IQCH: variants seen among roughly 807,000 people sequenced by gnomAD.
IQCH encodes IQ motif containing H.
A neutral mutation model predicts 117.0 loss-of-function variants in IQCH; 98 were observed. That is an observed-to-expected ratio of 0.84 (90% CI 0.71 to 0.99). IQCH has a LOEUF of 0.99. IQCH is among the 50% of genes least tolerant of loss of function. The probability of loss-of-function intolerance (pLI) is 0.00; values close to 1 mark genes in which losing one functional copy is unlikely to be tolerated. For missense variants in IQCH, 1,102 were observed against 1,243.8 expected (o/e 0.89, Z 1.72); for synonymous variants, 412 against 448.2 (o/e 0.92, Z 1.02).
At chr15:67,423,186 G>A (rs1481598808) in intron 16 of IQCH, among the ~76,000 whole-genome samples, 8 of 152,216 alleles carry the variant, frequency 5.3e-5, no homozygotes, top group Non-Finnish European at 1.2e-4. Flanking sequence ...AGGCAGGACA[G>A]AAACAATGCT....
intron 4 of IQCH, among the ~76,000 whole-genome samples, chr15:67,321,406 A>G (rs559708000): frequency 1.3e-5 from 2 of 151,744 alleles, no homozygotes; most frequent in Non-Finnish European, 2.9e-5. Context: ...TTATGATCCC[A>G]TGTATGCCTT....
At chr15:67,444,218 T>A (rs1197413348) in intron 16 of IQCH, among the ~76,000 whole-genome samples, 1 of 152,222 alleles carries the variant, frequency 6.6e-6, no homozygotes, top group Non-Finnish European at 1.5e-5. Context: ...ATCCTTGTGC[T>A]CAGCACATAA....
rs527835244 is a variant in IQCH at position 67,417,728 on chromosome 15, A to G, written c.2218+677A>G. On this transcript the variant is annotated intron_variant, in intron 15 of 20. Coordinates refer to ENST00000335894, the MANE Select transcript of IQCH (RefSeq NM_001031715.3). This position sits in a 1 kb window ranked among gnomAD's most constrained non-coding sequence, Gnocchi z 4.3. ...CTACCGTCTCAGAGGTCCCTGTCAGATGTTACACAGAGGCACACCTATGCA... is the reference window on the plus strand; with the variant it reads ...CTACCGTCTCAGAGGTCCCTGTCAGGTGTTACACAGAGGCACACCTATGCA... Among the ~76,000 whole-genome samples the G allele has an allele frequency of 3.9e-5, 6 of 152,246 alleles. No individual in the cohort carries two copies. The South Asian group carries it at 1.2e-3, about 32-fold the overall frequency.
At chr15:67,266,623 C>A (rs1965684802) in intron 3 of IQCH, among the ~76,000 whole-genome samples, 1 of 152,178 alleles carries the variant, frequency 6.6e-6, no homozygotes, top group Non-Finnish European at 1.5e-5. Flanking sequence ...TGCCACTGCA[C>A]TCCAGCCTGG....
intron 14 of IQCH, among the ~76,000 whole-genome samples, chr15:67,410,245 G>T (rs1364330618): frequency 6.6e-6 from 1 of 152,156 alleles, no homozygotes; most frequent in East Asian, 1.9e-4. Flanking sequence ...CTTTTTAAAT[G>T]ATGAGAATGT....
Position 67,476,904 on chromosome 15 carries a change from A to G in IQCH, c.2799+1086A>G, listed in dbSNP as rs972568206. Among the ~76,000 whole-genome samples the G allele has an allele frequency of 5.3e-5, 8 of 152,116 alleles. No individual in the cohort carries two copies. Among genetic ancestry groups the G allele is most frequent in the Non-Finnish European group, 8.8e-5 (6 of 68,026 alleles). On this transcript the variant is annotated intron_variant, in intron 18 of 20. Coordinates refer to ENST00000335894, the MANE Select transcript of IQCH (RefSeq NM_001031715.3). The surrounding 1 kb of genome is among the most constrained non-coding windows in gnomAD (Gnocchi z 4.1). ...AAATATAAGGTATATATAATGACAT[A>G]AGAATTGAGTAGTAACCAGTTGATC...
chr15:67,334,231 T>C (rs1373431408), intron 4 of IQCH, among the ~76,000 whole-genome samples: 4 of 152,216 alleles, frequency 2.6e-5, no homozygotes, highest in African/African-American at 9.6e-5. Context: ...GAATAAAATA[T>C]AATAAAAAAC....
At position 67,494,247 on chromosome 15, in the gene IQCH, A is replaced by G. The variant is rs1596497952; in HGVS notation, c.2862-11A>G. 3.8e-6 allele frequency: 6 copies of G among 1,593,502 alleles called. No homozygotes were observed. The East Asian group carries it at 1.3e-4, about 36-fold the overall frequency. ...CGTTGGTAAACTCATTTGTTTGGATATCATTAACAGAACAATCGGCGAGGA... is the reference window on the plus strand; with the variant it reads ...CGTTGGTAAACTCATTTGTTTGGATGTCATTAACAGAACAATCGGCGAGGA... On this transcript the variant is annotated splice_polypyrimidine_tract_variant and intron_variant, in intron 19 of 20. Transcript: ENST00000335894. The surrounding 1 kb of genome is among the most constrained non-coding windows in gnomAD (Gnocchi z 5.5).
At position 67,476,444 on chromosome 15, in the gene IQCH, C is replaced by G. The variant is rs2083203282; in HGVS notation, c.2799+626C>G. ...CATCACACCTACAGCCTCATTTAAC[C>G]TTAATCACTTCCTTAGAGGCCCTAG... On this transcript the variant is annotated intron_variant, in intron 18 of 20. Transcript: ENST00000335894. This position sits in a 1 kb window ranked among gnomAD's most constrained non-coding sequence, Gnocchi z 4.1. Among the ~76,000 whole-genome samples, 1 of 152,188 alleles carries G rather than the reference C, an allele frequency of 6.6e-6. No homozygotes were observed. The highest frequency in any genetic ancestry group is 2.1e-4 in the South Asian group (1 of 4,824).
chr15:67,275,638 G>A (rs1186066972), intron 3 of IQCH, among the ~76,000 whole-genome samples: 2 of 152,114 alleles, frequency 1.3e-5, no homozygotes, highest in African/African-American at 4.8e-5. Context: ...AGCACTTTGG[G>A]AGGCTGAGAT....
rs2081843752 is a variant in IQCH, at chr15:67,424,721, C to G, written c.2505+3144C>G. Among the ~76,000 whole-genome samples, 1 of 152,170 alleles carries G rather than the reference C, an allele frequency of 6.6e-6. No individual in the cohort carries two copies. The highest frequency in any genetic ancestry group is 1.5e-5 in the Non-Finnish European group (1 of 68,034). ...TATTAGATTCTCTGATTTTATCATA[C>G]TATGAATTTTCCTTGTCCCTTCCCA... On this transcript the variant is annotated intron_variant, in intron 16 of 20. Coordinates refer to ENST00000335894, the MANE Select transcript of IQCH (RefSeq NM_001031715.3). The surrounding 1 kb of genome is among the most constrained non-coding windows in gnomAD (Gnocchi z 4.9).
At position 67,407,088 on chromosome 15, in the gene IQCH, T is replaced by C. The variant is rs1471281483; in HGVS notation, c.2097+6783T>C. On this transcript the variant is annotated intron_variant, in intron 14 of 20. Coordinates refer to ENST00000335894, the MANE Select transcript of IQCH (RefSeq NM_001031715.3). This position sits in a 1 kb window ranked among gnomAD's most constrained non-coding sequence, Gnocchi z 5.3. ...CCATCATTATATGGGGTTGTGGCTG[T>C]TGAAGATACAGAATGTTGGTTGATC... The C allele has an allele frequency of 2.6e-5, 4 of 152,350 alleles. No individual in the cohort carries two copies. The highest frequency in any genetic ancestry group is 2.1e-4 in the South Asian group (1 of 4,820). 9.4% of individuals were successfully genotyped at this position (152,350 alleles called of 1,614,324 possible).
intron 10 of IQCH, among the ~76,000 whole-genome samples, chr15:67,383,646 C>G (rs1003714194): frequency 1.3e-5 from 2 of 152,120 alleles, no homozygotes; most frequent in African/African-American, 4.8e-5. Flanking sequence ...TATACATATG[C>G]AAAATCCCAA....
intron 17 of IQCH, among the ~76,000 whole-genome samples, chr15:67,471,370 C>T (rs1443509716): frequency 6.6e-6 from 1 of 152,054 alleles, no homozygotes; most frequent in African/African-American, 2.4e-5. Context: ...TACAAGTCAA[C>T]CTTTTAATAG....
At chr15:67,352,305 A>G (rs1737826320) in intron 6 of IQCH, among the ~76,000 whole-genome samples, 1 of 152,018 alleles carries the variant, frequency 6.6e-6, no homozygotes, top group Admixed American at 6.5e-5. Flanking sequence ...TTTTAGTTGT[A>G]TCTTTTTAAA....
At chr15:67,277,594 C>T (rs1032542208) in intron 3 of IQCH, among the ~76,000 whole-genome samples, 3 of 147,364 alleles carry the variant, frequency 2.0e-5, no homozygotes, top group Non-Finnish European at 3.0e-5. Flanking sequence ...AGTGCAGTGG[C>T]GCAATCTCGG....
Position 67,406,045 on chromosome 15 carries a change from A to C in IQCH, c.2097+5740A>C, listed in dbSNP as rs1489208889. 1 of 152,234 alleles carries C rather than the reference A, an allele frequency of 6.6e-6. No homozygotes were observed. Among genetic ancestry groups the C allele is most frequent in the Admixed American group, 6.5e-5 (1 of 15,278 alleles). 9.4% of individuals were successfully genotyped at this position (152,234 alleles called of 1,614,324 possible). A position where few individuals can be genotyped will look rare whatever the true frequency, so the allele number is the denominator to read the frequency against. On this transcript the variant is annotated intron_variant, in intron 14 of 20. Coordinates refer to ENST00000335894, the MANE Select transcript of IQCH (RefSeq NM_001031715.3). The surrounding 1 kb of genome is among the most constrained non-coding windows in gnomAD (Gnocchi z 4.5). ...CTGCCTCATATACCTGGTTATGTGC[A>C]TGGGTGATGAGAGAGAATTTTAGAC...
chr15:67,465,932 T>C lies in IQCH; in HGVS notation c.2676+635T>C, dbSNP rs758686210. ...CCTCCTAAGATTCCCTGTCCCTGCC[T>C]GTGCCCTCAGCCTAAACAGACACGG... is the stretch of plus-strand genomic sequence containing the variant. On this transcript the variant is annotated intron_variant, in intron 17 of 20. Transcript: ENST00000335894. The surrounding 1 kb of genome is among the most constrained non-coding windows in gnomAD (Gnocchi z 5.9). 1.2e-4 allele frequency among the ~76,000 whole-genome samples: 19 copies of C among 152,238 alleles called. No homozygotes were observed. Among genetic ancestry groups the C allele is most frequent in the Non-Finnish European group, 2.8e-4 (19 of 68,036 alleles).
intron 14 of IQCH, among the ~76,000 whole-genome samples, chr15:67,410,852 C>A (rs2081431714): frequency 6.6e-6 from 1 of 152,184 alleles, no homozygotes. Flanking sequence ...CCAGCCCAGA[C>A]TGAGCACTTG....
Sources: allele counts gnomAD v4.1 joint callset (sites outside exome capture counted in the v4.1 genomes callset), GRCh38; gene constraint gnomAD v4.1.1; non-coding constraint Gnocchi (gnomAD v3.1); transcripts MANE v1.5; gene names NCBI Gene and HGNC (gene_info 2026-07-23, HGNC 2026-07-21).